Variants in DPP6 observed in about 807,000 individuals in gnomAD.
The protein encoded by DPP6 is A-type potassium channel modulatory protein DPP6.
A neutral mutation model predicts 122.6 loss-of-function variants in DPP6; 69 were observed. The observed-to-expected ratio is 0.56, with a 90% CI of 0.46 to 0.69. DPP6 has a LOEUF of 0.69. Among genes scored for constraint, DPP6 ranks in the 30% least tolerant of loss-of-function variants. The pLI, the probability that DPP6 is intolerant of heterozygous loss-of-function variation, is 0.00. For missense variants in DPP6, 928 were observed against 1,116.9 expected (o/e 0.83, Z 2.41); for synonymous variants, 418 against 433.1 (o/e 0.97, Z 0.43).
At chr7:154,328,269 A>C (rs1302448031) in intron 1 of DPP6, among the ~76,000 whole-genome samples, 1 of 152,196 alleles carries the variant, frequency 6.6e-6, no homozygotes, top group East Asian at 1.9e-4. Context: ...GAAATAGTCC[A>C]GCGCTGGAGG....
At chr7:153,811,004 C>A in the DPP6 span, among the ~76,000 whole-genome samples, 1 of 151,880 alleles carries the variant, frequency 6.6e-6, no homozygotes, top group Non-Finnish European at 1.5e-5. Context: ...ATTTAACACA[C>A]AGCGGCAAAC....
chr7:153,749,075 C>G, the DPP6 span, among the ~76,000 whole-genome samples: 85 of 152,044 alleles, frequency 5.6e-4, no homozygotes, highest in Non-Finnish European at 8.5e-4. This position sits in a 1 kb window ranked among gnomAD's most constrained non-coding sequence, Gnocchi z 4.1. Flanking sequence ...TACAGTTGGC[C>G]GGAGAGTGGA....
intron 5 of DPP6, among the ~76,000 whole-genome samples, chr7:154,635,797 G>A (rs920944435): frequency 1.3e-5 from 2 of 152,160 alleles, no homozygotes; most frequent in African/African-American, 4.8e-5. Context: ...GCAGTCTAAC[G>A]GGTATGAGCC....
chr7:154,386,655 C>G (rs1814136914), intron 1 of DPP6, among the ~76,000 whole-genome samples: 1 of 152,170 alleles, frequency 6.6e-6, no homozygotes, highest in South Asian at 2.1e-4. Flanking sequence ...CAAAGGGATT[C>G]TAGCTCTCCA....
intron 7 of DPP6, among the ~76,000 whole-genome samples, chr7:154,704,059 C>T (rs1400036898): frequency 1.3e-5 from 2 of 152,172 alleles, no homozygotes; most frequent in African/African-American, 2.4e-5. Flanking sequence ...TCCCAGATGC[C>T]ATTAAGAACA....
chr7:154,598,025 T>G (rs953540343), intron 5 of DPP6, among the ~76,000 whole-genome samples: 2 of 152,194 alleles, frequency 1.3e-5, no homozygotes, highest in Non-Finnish European at 2.9e-5. Context: ...TAAAGTCCCT[T>G]TCTAAGTCCT....
chr7:154,510,967 CACACAGAG>C (rs977326826), intron 3 of DPP6, among the ~76,000 whole-genome samples: 5 of 123,030 alleles, frequency 4.1e-5, no homozygotes, highest in Non-Finnish European at 7.2e-5. Context: ...CACACACACA[CACACAGAG>C]AGAGAGAGAG....
At chr7:154,512,760 CCT>C (rs1189065571) in intron 3 of DPP6, among the ~76,000 whole-genome samples, 1 of 152,142 alleles carries the variant, frequency 6.6e-6, no homozygotes, top group African/African-American at 2.4e-5. Context: ...TCATGCTGGA[CCT>C]CTTGTGGTTT....
intron 1 of DPP6, among the ~76,000 whole-genome samples, chr7:154,276,166 G>C (rs1804115329): frequency 6.6e-6 from 1 of 152,094 alleles, no homozygotes; most frequent in African/African-American, 2.4e-5. Flanking sequence ...TAAGCTTATG[G>C]ATATTATCTT....
At chr7:154,019,841 A>C (rs1798613497) in intron 1 of DPP6, among the ~76,000 whole-genome samples, 1 of 152,240 alleles carries the variant, frequency 6.6e-6, no homozygotes, top group South Asian at 2.1e-4. Flanking sequence ...AGTAACCATA[A>C]CAGATAATGT....
At chr7:154,859,653 T>C (rs957850978) in intron 17 of DPP6, among the ~76,000 whole-genome samples, 1 of 152,230 alleles carries the variant, frequency 6.6e-6, no homozygotes, top group African/African-American at 2.4e-5. Context: ...GATGTGACTC[T>C]GAATTATTTA....
At chr7:154,743,938 G>A (rs1482694370) in intron 8 of DPP6, among the ~76,000 whole-genome samples, 7 of 152,172 alleles carry the variant, frequency 4.6e-5, no homozygotes, top group Non-Finnish European at 2.9e-5. Flanking sequence ...CTGCACATAA[G>A]TCGACCCACG....
At chr7:153,765,398 C>T in the DPP6 span, among the ~76,000 whole-genome samples, 1 of 151,974 alleles carries the variant, frequency 6.6e-6, no homozygotes, top group Non-Finnish European at 1.5e-5. Flanking sequence ...AAAAATTAGC[C>T]AGGCATGGTG....
intron 1 of DPP6, among the ~76,000 whole-genome samples, chr7:153,936,051 G>A (rs1158466477): frequency 2.6e-5 from 4 of 152,164 alleles, no homozygotes; most frequent in Non-Finnish European, 5.9e-5. Context: ...AGTCCAGCAC[G>A]GGGCTGGGTG....
At chr7:153,837,827 T>C in the DPP6 span, among the ~76,000 whole-genome samples, 2 of 144,172 alleles carry the variant, frequency 1.4e-5, no homozygotes, top group Non-Finnish European at 3.0e-5. Flanking sequence ...CCTGCCACCA[T>C]GCCTGGTTAA....
chr7:154,473,136 C>T (rs1305688212), intron 2 of DPP6, among the ~76,000 whole-genome samples: 1 of 152,038 alleles, frequency 6.6e-6, no homozygotes, highest in Non-Finnish European at 1.5e-5. Context: ...ATTTTCTGAC[C>T]ACGTACTTAA....
intron 3 of DPP6, among the ~76,000 whole-genome samples, chr7:154,521,281 G>A (rs528306258): frequency 6.6e-6 from 1 of 151,894 alleles, no homozygotes; most frequent in African/African-American, 2.4e-5. Context: ...ACATTTGAAA[G>A]CCTACTTAAC....
chr7:153,949,782 A>G (rs1047120722), intron 1 of DPP6, among the ~76,000 whole-genome samples: 1 of 152,224 alleles, frequency 6.6e-6, no homozygotes, highest in African/African-American at 2.4e-5. Flanking sequence ...GAAGGTAGAA[A>G]ATTCCTCCTT....
At chr7:154,774,448 A>C (rs1018440606) in intron 10 of DPP6, among the ~76,000 whole-genome samples, 25 of 152,298 alleles carry the variant, frequency 1.6e-4, no homozygotes, top group African/African-American at 5.8e-4. Context: ...TGTTTGAGTT[A>C]ATTGAAAATC....
Sources: gnomAD v4.1 joint callset for allele counts (sites outside exome capture counted in the v4.1 genomes callset) on GRCh38, gnomAD v4.1.1 for gene constraint, Gnocchi (gnomAD v3.1) non-coding constraint, MANE v1.5 for transcripts, NCBI Gene and HGNC (gene_info 2026-07-23, HGNC 2026-07-21) for gene names.